KIAA1549L: variants seen among roughly 807,000 people sequenced by gnomAD.
The protein encoded by KIAA1549L is UPF0606 protein KIAA1549L.
A neutral mutation model predicts 160.7 loss-of-function variants in KIAA1549L; 88 were observed. The observed-to-expected ratio is 0.55, with a 90% CI of 0.46 to 0.65. The LOEUF is 0.65. KIAA1549L is among the 30% of genes least tolerant of loss of function. The pLI, the probability that KIAA1549L is intolerant of heterozygous loss-of-function variation, is 0.00. For missense variants in KIAA1549L, 2,258 were observed against 2,437.5 expected (o/e 0.93, Z 1.55); for synonymous variants, 950 against 976.7 (o/e 0.97, Z 0.51).
At chr11:33,616,853 G>A (rs757647058) in intron 15 of KIAA1549L, among the ~76,000 whole-genome samples, 62 of 152,238 alleles carry the variant, frequency 4.1e-4, no homozygotes, top group Admixed American at 9.2e-4. Flanking sequence ...TACATAGGCG[G>A]TGTTGGCGGG....
intron 16 of KIAA1549L, among the ~76,000 whole-genome samples, chr11:33,622,564 A>G (rs1021890406): frequency 6.6e-6 from 1 of 152,166 alleles, no homozygotes; most frequent in African/African-American, 2.4e-5. Context: ...GGCCTGCCCC[A>G]TTTCCTCTGT....
At chr11:33,623,074 T>C (rs753024959) in intron 16 of KIAA1549L, among the ~76,000 whole-genome samples, 26 of 152,308 alleles carry the variant, frequency 1.7e-4, no homozygotes, top group Admixed American at 1.3e-4. Context: ...GTCTGGGGCC[T>C]CCTCAGTAAA....
At chr11:33,511,846 G>C (rs1250188153) in intron 1 of KIAA1549L, among the ~76,000 whole-genome samples, 1 of 152,160 alleles carries the variant, frequency 6.6e-6, no homozygotes, top group Non-Finnish European at 1.5e-5. Context: ...TGTAAAATGG[G>C]GGTATTCAGA....
chr11:33,635,760 T>G (rs10836087), intron 16 of KIAA1549L, among the ~76,000 whole-genome samples: 1 of 151,940 alleles, frequency 6.6e-6, no homozygotes, highest in African/African-American at 2.4e-5. Context: ...GACTTTTGAG[T>G]AGGAATTCTC....
chr11:33,502,959 G>T (rs993071891), intron 1 of KIAA1549L, among the ~76,000 whole-genome samples: 5 of 152,046 alleles, frequency 3.3e-5, no homozygotes, highest in African/African-American at 1.2e-4. Context: ...CTTTTTTAAC[G>T]CAAACTTTAT....
At chr11:33,496,477 C>T (rs1437458349) in intron 1 of KIAA1549L, among the ~76,000 whole-genome samples, 1 of 152,230 alleles carries the variant, frequency 6.6e-6, no homozygotes, top group Admixed American at 6.5e-5. Flanking sequence ...GGCTGAAATG[C>T]CCAGAGCGCA....
chr11:33,652,106 GGGGTCCTTA>G (rs1851913887), intron 17 of KIAA1549L, among the ~76,000 whole-genome samples: 1 of 151,228 alleles, frequency 6.6e-6, no homozygotes, highest in Non-Finnish European at 1.5e-5. Flanking sequence ...CCCAAAAGAC[GGGGTCCTTA>G]GGTTTTCCTC....
chr11:33,552,956 AAACAACAGAATTCTTTCCCAG>A lies in KIAA1549L; in HGVS notation c.3855+716_3855+736del, dbSNP rs1316780125. 8.5e-5 allele frequency among the ~76,000 whole-genome samples: 13 copies of A among 152,102 alleles called. 1 individual carries two copies. The highest frequency in any genetic ancestry group is 5.9e-4 in the Admixed American group (9 of 15,264). On this transcript the variant is annotated intron_variant, in intron 6 of 20. Coordinates refer to ENST00000658780, the MANE Select transcript of KIAA1549L (RefSeq NM_012194.3). ...TGGGGTCCTTAATGAAGCCTGTGTCAAACAACAGAATTCTTTCCCAGGGAAAATCCCTGGGAAATGAATCAT... is the reference window on the plus strand; with the variant it reads ...TGGGGTCCTTAATGAAGCCTGTGTCAGGAAAATCCCTGGGAAATGAATCAT...
intron 1 of KIAA1549L, among the ~76,000 whole-genome samples, chr11:33,474,989 T>C (rs1440231648): frequency 6.6e-6 from 1 of 152,214 alleles, no homozygotes; most frequent in African/African-American, 2.4e-5. Context: ...TTGCAGAATA[T>C]GTATCTTCAG....
chr11:33,576,611 A>G (rs991746874), intron 10 of KIAA1549L, among the ~76,000 whole-genome samples: 1 of 152,200 alleles, frequency 6.6e-6, no homozygotes, highest in Non-Finnish European at 1.5e-5. Context: ...CGAGAGCTGA[A>G]GGTACTAAAA....
chr11:33,381,462 T>C (rs1850072545), intron 1 of KIAA1549L, among the ~76,000 whole-genome samples: 1 of 152,042 alleles, frequency 6.6e-6, no homozygotes, highest in Non-Finnish European at 1.5e-5. Context: ...CTTGCGTTGT[T>C]TGAGGAAGAG....
intron 1 of KIAA1549L, among the ~76,000 whole-genome samples, chr11:33,477,520 A>ACACACACACAC (rs1554981526): frequency 1.4e-3 from 210 of 147,002 alleles, no homozygotes; most frequent in African/African-American, 5.1e-3. Flanking sequence ...CACACACACA[A>ACACACACACAC]ACACACACAC....
chr11:33,600,306 A>G (rs916481892), intron 13 of KIAA1549L, among the ~76,000 whole-genome samples: 6 of 152,160 alleles, frequency 3.9e-5, no homozygotes, highest in African/African-American at 1.4e-4. Context: ...CTATCGAGTG[A>G]GCACACGGAG....
intron 1 of KIAA1549L, among the ~76,000 whole-genome samples, chr11:33,410,432 G>C (rs767695902): frequency 6.6e-6 from 1 of 152,234 alleles, no homozygotes; most frequent in Non-Finnish European, 1.5e-5. Flanking sequence ...CACTAAAAAA[G>C]AGGTAGCTGT....
At chr11:33,654,308 TA>T (rs1851988805) in intron 17 of KIAA1549L, among the ~76,000 whole-genome samples, 1 of 152,224 alleles carries the variant, frequency 6.6e-6, no homozygotes, top group African/African-American at 2.4e-5. Flanking sequence ...TTTACGTTGT[TA>T]TTTTTTGTCT....
intron 1 of KIAA1549L, among the ~76,000 whole-genome samples, chr11:33,515,599 A>G (rs1008217883): frequency 1.3e-5 from 2 of 152,248 alleles, no homozygotes; most frequent in Non-Finnish European, 2.9e-5. Flanking sequence ...CAAGGGAATC[A>G]TGAGTATCTT....
At chr11:33,534,303 G>A (rs905275653) in intron 1 of KIAA1549L, among the ~76,000 whole-genome samples, 4 of 151,556 alleles carry the variant, frequency 2.6e-5, no homozygotes, top group Admixed American at 2.0e-4. Context: ...TGTTGGTCAG[G>A]CTGGTCTTGA....
At position 33,544,123 on chromosome 11, in the gene KIAA1549L, A is replaced by G. The variant is rs773471418; in HGVS notation, c.2560A>G (p.Thr854Ala). Residue 854 changes from threonine to alanine, a missense_variant, in exon 2 of 21, where the codon ACA (threonine) becomes GCA (alanine). Physicochemically the swap from Thr to Ala is moderately conservative, Grantham distance 58 (BLOSUM62 0). Coordinates refer to ENST00000658780, the MANE Select transcript of KIAA1549L (RefSeq NM_012194.3). ...GCTAACCTCACCAGGACCAACTTCT[A>G]CAGGTAGCTTGCAGGAAATGCTTTC... ...LLLTSPGPTSTGSLQEMLSDG... is the reference protein window; with the variant it reads ...LLLTSPGPTSAGSLQEMLSDG... The G allele has an allele frequency of 1.2e-6, 2 of 1,614,032 alleles. No individual in the cohort carries two copies. Among genetic ancestry groups the G allele is most frequent in the South Asian group, 1.1e-5 (1 of 91,084 alleles).
chr11:33,523,666 A>C (rs764184650), intron 1 of KIAA1549L, among the ~76,000 whole-genome samples: 12 of 152,330 alleles, frequency 7.9e-5, no homozygotes, highest in South Asian at 6.2e-4. Flanking sequence ...TTGGCGTAGG[A>C]TCTTACTACT....
Sources: allele counts gnomAD v4.1 joint callset (sites outside exome capture counted in the v4.1 genomes callset), GRCh38; gene constraint gnomAD v4.1.1; transcripts MANE v1.5; gene names NCBI Gene and HGNC (gene_info 2026-07-23, HGNC 2026-07-21).